TNS3: variants seen among roughly 807,000 people sequenced by gnomAD.
TNS3 encodes the protein tensin-3.
Under a neutral mutation model 140.9 loss-of-function variants are expected in TNS3, and 45 were observed. The ratio of observed to expected loss-of-function variants is 0.32; its 90% confidence interval spans 0.25 to 0.41. The LOEUF is 0.41. TNS3 is among the 10% of genes least tolerant of loss of function. TNS3 has a pLI of 1.00. For missense variants in TNS3, 1,716 were observed against 1,906.7 expected, an observed-to-expected ratio of 0.90 and a Z score of 1.86; for synonymous variants, 815 against 788.4, an observed-to-expected ratio of 1.03 and a Z score of -0.56.
intron 2 of TNS3, among the ~76,000 whole-genome samples, chr7:47,520,719 G>A (rs764309922): frequency 2.6e-5 from 4 of 152,226 alleles, no homozygotes; most frequent in Non-Finnish European, 5.9e-5. Context: ...TTATTCAGAT[G>A]AAATTTGGCC....
chr7:47,391,044 G>A (rs534143451), intron 16 of TNS3, among the ~76,000 whole-genome samples: 4 of 152,236 alleles, frequency 2.6e-5, no homozygotes, highest in East Asian at 3.9e-4. Context: ...CCGATCTCAC[G>A]ATCCACCACA....
Position 47,424,135 on chromosome 7 carries a change from T to TGTCATCATAAAACTTC in TNS3, c.423_438dup (p.Lys147GlufsTer4). Reference sequence around the variant, plus strand: ...GAAGGCTGCATTAAAGCTGAAACTTTGTCATCATAAAACTTCTTCATTGCA... The same window carrying TGTCATCATAAAACTTC: ...GAAGGCTGCATTAAAGCTGAAACTTTGTCATCATAAAACTTCGTCATCATAAAACTTCTTCATTGCA... On this transcript the variant is annotated stop_gained and frameshift_variant, in exon 10 of 31. Transcript: ENST00000311160. LOFTEE classifies it high-confidence loss of function. 6.2e-7 allele frequency: 1 copy of TGTCATCATAAAACTTC among 1,614,182 alleles called. No individual in the cohort carries two copies.
intron 3 of TNS3, among the ~76,000 whole-genome samples, chr7:47,493,956 C>T (rs1797910087): frequency 6.6e-6 from 1 of 152,234 alleles, no homozygotes; most frequent in Non-Finnish European, 1.5e-5. Flanking sequence ...TCCACATAAG[C>T]ATATTTCATG....
chr7:47,307,478 G>A (rs1285332374), intron 20 of TNS3, among the ~76,000 whole-genome samples: 4 of 152,170 alleles, frequency 2.6e-5, no homozygotes, highest in African/African-American at 9.7e-5. Flanking sequence ...ACACTTTTGG[G>A]TGAATACCTA....
chr7:47,373,599 T>G (rs1791206346), intron 16 of TNS3, among the ~76,000 whole-genome samples: 1 of 152,196 alleles, frequency 6.6e-6, no homozygotes, highest in South Asian at 2.1e-4. Context: ...CCTCAACAGG[T>G]GCTGCCCTAC....
At chr7:47,307,542 T>C (rs2150743856) in intron 20 of TNS3, among the ~76,000 whole-genome samples, 3 of 152,324 alleles carry the variant, frequency 2.0e-5, no homozygotes, top group Middle Eastern at 6.8e-3. Flanking sequence ...TTTAAGAAAA[T>C]GCAAAGCTGC....
intron 17 of TNS3, among the ~76,000 whole-genome samples, chr7:47,358,487 C>A (rs1039379735): frequency 6.6e-6 from 1 of 152,166 alleles, no homozygotes; most frequent in African/African-American, 2.4e-5. Flanking sequence ...TGCCTCAGTA[C>A]GGATACAAAA....
chr7:47,352,153 TAACA>T (rs926600895), intron 17 of TNS3, among the ~76,000 whole-genome samples: 3 of 151,942 alleles, frequency 2.0e-5, no homozygotes, highest in African/African-American at 7.3e-5. Context: ...ACCCTTGCAC[TAACA>T]CTCTCACCCA....
chr7:47,518,612 T>C (rs573591802), intron 2 of TNS3, among the ~76,000 whole-genome samples: 1 of 152,268 alleles, frequency 6.6e-6, no homozygotes, highest in South Asian at 2.1e-4. Context: ...CAGGCTTATT[T>C]GAGGTTATGA....
intron 16 of TNS3, among the ~76,000 whole-genome samples, chr7:47,384,476 C>T (rs535243917): frequency 2.4e-4 from 36 of 152,352 alleles, no homozygotes; most frequent in Admixed American, 2.4e-3. Context: ...CTCTCATCAC[C>T]GGCATTTCTG....
At chr7:47,505,016 C>T (rs745325411) in intron 3 of TNS3, among the ~76,000 whole-genome samples, 2 of 152,132 alleles carry the variant, frequency 1.3e-5, no homozygotes, top group Non-Finnish European at 2.9e-5. Flanking sequence ...AAGCAGCCGG[C>T]GACAGGCTTC....
chr7:47,497,689 A>C (rs1444532217), intron 3 of TNS3, among the ~76,000 whole-genome samples: 1 of 141,316 alleles, frequency 7.1e-6, no homozygotes, highest in African/African-American at 2.6e-5. Context: ...ACACACACAC[A>C]CACACACAGA....
intron 3 of TNS3, among the ~76,000 whole-genome samples, chr7:47,504,720 C>G (rs139775458): frequency 7.2e-5 from 11 of 152,336 alleles, no homozygotes; most frequent in African/African-American, 2.4e-4. Context: ...GCCACATACC[C>G]TGCAGGAGCA....
intron 20 of TNS3, among the ~76,000 whole-genome samples, chr7:47,324,387 A>AACATGTTTGTG (rs1787914731): frequency 6.6e-6 from 1 of 152,252 alleles, no homozygotes; most frequent in Non-Finnish European, 1.5e-5. Context: ...GGGAGGGTCC[A>AACATGTTTGTG]ACATGTTTGT....
chr7:47,364,322 C>T (rs1200338984), intron 17 of TNS3, among the ~76,000 whole-genome samples: 1 of 136,670 alleles, frequency 7.3e-6, no homozygotes, highest in Non-Finnish European at 1.5e-5. Context: ...CTTGCTCTGT[C>T]ACCCAGGCTG....
At chr7:47,387,954 G>A (rs965977365) in intron 16 of TNS3, among the ~76,000 whole-genome samples, 6 of 152,188 alleles carry the variant, frequency 3.9e-5, no homozygotes, top group South Asian at 2.1e-4. Context: ...CTCTTTCCCC[G>A]ACTTGGCACA....
At chr7:47,361,754 G>A (rs1263636916) in intron 17 of TNS3, among the ~76,000 whole-genome samples, 1 of 152,164 alleles carries the variant, frequency 6.6e-6, no homozygotes, top group East Asian at 1.9e-4. Context: ...CACTAACAGA[G>A]CAGATGCCGA....
At chr7:47,512,006 G>C (rs1271124669) in intron 2 of TNS3, among the ~76,000 whole-genome samples, 1 of 152,196 alleles carries the variant, frequency 6.6e-6, no homozygotes, top group East Asian at 1.9e-4. Context: ...TTCCCATGGG[G>C]ACCAGGGAGA....
chr7:47,405,565 G>A (rs1416350127), intron 13 of TNS3: 2 of 702,868 alleles, frequency 2.8e-6, no homozygotes, highest in African/African-American at 1.7e-5. Context: ...ATGACCTAAA[G>A]CAATTGAAAG....
Sources: allele counts gnomAD v4.1 joint callset (sites outside exome capture counted in the v4.1 genomes callset), GRCh38; gene constraint gnomAD v4.1.1; transcripts MANE v1.5; gene names NCBI Gene and HGNC (gene_info 2026-07-23, HGNC 2026-07-21).